The following CACNA1A variants were observed in gnomAD, a reference collection of about 807,000 sequenced individuals.
The protein encoded by CACNA1A is voltage-dependent P/Q-type calcium channel subunit alpha-1A.
In CACNA1A, 57 loss-of-function variants were observed where a neutral mutation model predicts 262.4. That is an observed-to-expected ratio of 0.22 (90% CI 0.18 to 0.27). The LOEUF is 0.27. CACNA1A is among the 10% of genes least tolerant of loss of function. CACNA1A has a pLI of 1.00. For missense variants in CACNA1A, 2,526 were observed against 3,562.8 expected (o/e 0.71, Z 7.41); for synonymous variants, 1,431 against 1,419.3 (o/e 1.01, Z -0.18).
intron 1 of CACNA1A, among the ~76,000 whole-genome samples, chr19:13,484,800 C>T (rs914666073): frequency 6.6e-6 from 1 of 152,202 alleles, no homozygotes; most frequent in Non-Finnish European, 1.5e-5. Context: ...CCATTCCCAC[C>T]CCTACAATAG....
chr19:13,376,604 A>G (rs2059409277), intron 3 of CACNA1A, among the ~76,000 whole-genome samples: 1 of 148,576 alleles, frequency 6.7e-6, no homozygotes, highest in Non-Finnish European at 1.5e-5. Context: ...TATAACACAT[A>G]ATATATGTTA....
intron 36 of CACNA1A, chr19:13,229,062 T>TGGGG (rs61098915): frequency 1.6e-5 from 3 of 183,954 alleles, no homozygotes; most frequent in African/African-American, 7.3e-5. Context: ...GCTACAGGGG[T>TGGGG]GGGGGGGGGC....
chr19:13,490,316 A>C (rs1479859496), intron 1 of CACNA1A, among the ~76,000 whole-genome samples: 1 of 152,190 alleles, frequency 6.6e-6, no homozygotes. Context: ...ATAGAAACCT[A>C]GTCCTAGCCC....
intron 3 of CACNA1A, among the ~76,000 whole-genome samples, chr19:13,392,988 C>T (rs747105412): frequency 6.6e-6 from 1 of 152,132 alleles, no homozygotes; most frequent in African/African-American, 2.4e-5. Flanking sequence ...AGGCTGGTCT[C>T]GAACTCCTGA....
chr19:13,334,607 G>C, intron 7 of CACNA1A, 114 bp from the exon 8 acceptor site: 1 of 505,428 alleles, frequency 2.0e-6, no homozygotes, highest in East Asian at 3.3e-5. Context: ...GTGTGTGTGT[G>C]TGTTTGGGGA....
At chr19:13,417,667 T>C (rs2060246773) in intron 3 of CACNA1A, among the ~76,000 whole-genome samples, 1 of 151,926 alleles carries the variant, frequency 6.6e-6, no homozygotes, top group Non-Finnish European at 1.5e-5. Flanking sequence ...GGCGGGTGGA[T>C]CACAACAAGG....
chr19:13,421,869 C>G (rs1253536613), intron 3 of CACNA1A, among the ~76,000 whole-genome samples: 1 of 152,090 alleles, frequency 6.6e-6, no homozygotes, highest in East Asian at 1.9e-4. Flanking sequence ...GTGTCCTCAT[C>G]CAGATTTGGA....
chr19:13,326,298 G>C (rs2058361022), intron 10 of CACNA1A, among the ~76,000 whole-genome samples: 1 of 150,854 alleles, frequency 6.6e-6, no homozygotes, highest in South Asian at 2.1e-4. Flanking sequence ...CTGGGCGACA[G>C]AGTAAGACTC....
rs554455455 is a variant in CACNA1A at position 13,286,748 on chromosome 19, G to A, written c.3308C>T (p.Pro1103Leu). 7.3e-5 allele frequency: 117 copies of A among 1,608,082 alleles called. 1 individual carries two copies. Among genetic ancestry groups the A allele is most frequent in the South Asian group, 5.9e-4 (54 of 90,800 alleles). The change falls in exon 20 of 47, where the codon CCC (proline) becomes CTC (leucine). Residue 1103 changes from proline (P) to leucine (L), a missense_variant. Coordinates refer to ENST00000360228, the MANE Select transcript of CACNA1A (RefSeq NM_001127222.2). ...SPAKMGNSTD[P>L]GPMLAIPAMA... ...GGCAGGGATGGCCAGCATGGGGCCG[G>A]GGTCGGTGCTGTTTCCCATCTTGGC...
At chr19:13,360,199 C>G (rs527848255) in intron 5 of CACNA1A, among the ~76,000 whole-genome samples, 39 of 149,006 alleles carry the variant, frequency 2.6e-4, no homozygotes, top group African/African-American at 9.1e-4. Context: ...TCTTCTTTGA[C>G]CTATGGGTAA....
At chr19:13,234,146 G>A (rs562021746) in intron 34 of CACNA1A, among the ~76,000 whole-genome samples, 26 of 150,922 alleles carry the variant, frequency 1.7e-4, no homozygotes, top group East Asian at 3.9e-4. Flanking sequence ...TCAGGAGATC[G>A]AGACCATCCT....
intron 19 of CACNA1A, among the ~76,000 whole-genome samples, chr19:13,292,141 C>A (rs1188260266): frequency 6.6e-6 from 1 of 152,156 alleles, no homozygotes; most frequent in Non-Finnish European, 1.5e-5. Context: ...AAGTTCCACC[C>A]TCATTTTGTC....
Position 13,235,268 on chromosome 19 carries a change from G to T in CACNA1A, c.5074C>A (p.Pro1692Thr). ...ATGGCGATCAGCAGACAGACATAAG[G>T]CAGGGCCTGGTGGGAAAAAAGGCAA... ...WTFVQSFKAL[P>T]YVCLLIAMLF... The change falls in exon 33 of 47, where the codon CCT (proline) becomes ACT (threonine). Residue 1692 changes from proline to threonine, a missense_variant. Physicochemically the swap from Pro to Thr is conservative, Grantham distance 38. Around this residue, in one of 17 missense-constraint regions of CACNA1A, gnomAD observed 66 missense variants for 195.8 expected, o/e 0.34. Transcript: ENST00000360228. The T allele has an allele frequency of 6.3e-7, 1 of 1,591,054 alleles. No individual in the cohort carries two copies. Among genetic ancestry groups the T allele is most frequent in the Non-Finnish European group, 8.6e-7 (1 of 1,168,974 alleles).
intron 3 of CACNA1A, among the ~76,000 whole-genome samples, chr19:13,422,751 C>T (rs1230053096): frequency 1.3e-5 from 2 of 152,134 alleles, no homozygotes; most frequent in African/African-American, 4.8e-5. Context: ...TGTAACTGAG[C>T]CCCAATAAAA....
chr19:13,395,220 G>A (rs530913264), intron 3 of CACNA1A, among the ~76,000 whole-genome samples: 1 of 145,370 alleles, frequency 6.9e-6, no homozygotes, highest in African/African-American at 2.6e-5. Flanking sequence ...GCTGCAGTGA[G>A]CTGAGTTTGC....
At chr19:13,377,746 T>C (rs1044609280) in intron 3 of CACNA1A, among the ~76,000 whole-genome samples, 2 of 152,188 alleles carry the variant, frequency 1.3e-5, no homozygotes, top group African/African-American at 4.8e-5. Flanking sequence ...TTCATAAGGC[T>C]ATAGCTGCCA....
intron 34 of CACNA1A, among the ~76,000 whole-genome samples, chr19:13,232,968 G>C (rs1262946066): frequency 1.3e-5 from 2 of 151,048 alleles, no homozygotes; most frequent in African/African-American, 4.9e-5. Flanking sequence ...AGAACTGCTT[G>C]AACCTGGGAG....
intron 31 of CACNA1A, 170 bp from the exon 32 acceptor site, chr19:13,235,900 ACTCG>A: frequency 1.8e-6 from 1 of 562,314 alleles, no homozygotes; most frequent in Non-Finnish European, 3.2e-6. Flanking sequence ...CAGAGGAAAA[ACTCG>A]AAAAAGGAAT....
chr19:13,438,875 A>C (rs559531007), intron 3 of CACNA1A, among the ~76,000 whole-genome samples: 102 of 152,252 alleles, frequency 6.7e-4, no homozygotes, highest in African/African-American at 2.4e-3. Context: ...TTTTATTTTG[A>C]TTATAGGTGC....
Sources: allele counts gnomAD v4.1 joint callset (sites outside exome capture counted in the v4.1 genomes callset), GRCh38; gene constraint gnomAD v4.1.1; regional missense constraint gnomAD v4.1.1; transcripts MANE v1.5; gene names NCBI Gene and HGNC (gene_info 2026-07-23, HGNC 2026-07-21).